CSNK1G1: variants seen among roughly 807,000 people sequenced by gnomAD.
CSNK1G1 encodes the protein casein kinase 1 gamma 1.
In CSNK1G1, 22 loss-of-function variants were observed where a neutral mutation model predicts 59.6. The observed-to-expected ratio is 0.37, with a 90% confidence interval of 0.26 to 0.53. CSNK1G1 has a LOEUF of 0.53. Among genes scored for constraint, CSNK1G1 ranks in the 20% least tolerant of loss-of-function variants. The pLI is 0.89. For missense variants in CSNK1G1, 384 were observed against 519.5 expected, an observed-to-expected ratio of 0.74 and a Z score of 2.54; for synonymous variants, 179 against 177.1, an observed-to-expected ratio of 1.01 and a Z score of -0.08.
intron 1 of CSNK1G1, among the ~76,000 whole-genome samples, chr15:64,346,340 C>T (rs973863277): frequency 6.7e-6 from 1 of 148,338 alleles, no homozygotes; most frequent in Non-Finnish European, 1.5e-5. Flanking sequence ...AACCTTATAA[C>T]TAAATGTAAA....
intron 1 of CSNK1G1, among the ~76,000 whole-genome samples, chr15:64,352,863 C>A (rs1055261251): frequency 6.6e-6 from 1 of 150,774 alleles, no homozygotes; most frequent in African/African-American, 2.4e-5. Context: ...CCAAAGCTGG[C>A]GGATCACTTG....
At chr15:64,193,643 TAGG>T (rs2082002853) in intron 10 of CSNK1G1, among the ~76,000 whole-genome samples, 1 of 152,048 alleles carries the variant, frequency 6.6e-6, no homozygotes. Flanking sequence ...CCTTATCAAA[TAGG>T]AGGGAAGTTT....
intron 7 of CSNK1G1, among the ~76,000 whole-genome samples, chr15:64,207,048 T>C (rs1367484721): frequency 2.0e-5 from 3 of 152,078 alleles, no homozygotes; most frequent in African/African-American, 4.8e-5. Flanking sequence ...GGAGGAGGAA[T>C]ACCAACACAG....
intron 1 of CSNK1G1, among the ~76,000 whole-genome samples, chr15:64,304,315 G>A (rs955980885): frequency 2.7e-5 from 4 of 149,898 alleles, no homozygotes; most frequent in South Asian, 2.1e-4. Context: ...CCTGGGAGGC[G>A]GAGGGGGCAG....
intron 4 of CSNK1G1, among the ~76,000 whole-genome samples, chr15:64,218,551 A>T (rs894900205): frequency 6.7e-6 from 1 of 149,618 alleles, no homozygotes; most frequent in African/African-American, 2.5e-5. Flanking sequence ...GTGTCCACCA[A>T]TTTTTTTTTG....
chr15:64,261,715 C>T (rs544957724), intron 2 of CSNK1G1, among the ~76,000 whole-genome samples: 2 of 152,074 alleles, frequency 1.3e-5, no homozygotes, highest in Admixed American at 6.6e-5. Flanking sequence ...GAGGGCGAGG[C>T]AGGTGGCTCA....
intron 2 of CSNK1G1, among the ~76,000 whole-genome samples, chr15:64,273,124 A>G (rs555343469): frequency 3.0e-4 from 46 of 152,246 alleles, no homozygotes; most frequent in Non-Finnish European, 6.3e-4. Flanking sequence ...ACTGCACTGT[A>G]TATTTCAAGA....
chr15:64,311,841 C>A (rs1210943808), intron 1 of CSNK1G1, among the ~76,000 whole-genome samples: 1 of 152,126 alleles, frequency 6.6e-6, no homozygotes, highest in Admixed American at 6.6e-5. Flanking sequence ...CATCACACCA[C>A]TGCACTCCAG....
intron 2 of CSNK1G1, among the ~76,000 whole-genome samples, chr15:64,299,452 C>T (rs1315246093): frequency 1.3e-5 from 2 of 151,922 alleles, no homozygotes; most frequent in Non-Finnish European, 2.9e-5. Flanking sequence ...ATTAGCCGGG[C>T]GTGGTGGCGG....
intron 4 of CSNK1G1, among the ~76,000 whole-genome samples, chr15:64,221,990 A>AT (rs1243862487): frequency 1.4e-4 from 21 of 152,158 alleles, no homozygotes; most frequent in Admixed American, 5.2e-4. Flanking sequence ...TGTTTACTGC[A>AT]GCACTATTTA....
At position 64,176,228 on chromosome 15, in the gene CSNK1G1, C is replaced by T; in HGVS notation, c.1214+4120G>A. ...GCCAGTCCCAGCCTAGTCTGGTCCA[C>T]TCCCCTTGCAATGGACTGGAGAGAG... On this transcript the variant is annotated intron_variant, in intron 11 of 11. Transcript: ENST00000303052. The surrounding 1 kb of genome is among the most constrained non-coding windows in gnomAD (Gnocchi z 5.2). 2.5e-6 allele frequency: 1 copy of T among 398,880 alleles called. No homozygotes were observed. The highest frequency in any genetic ancestry group is 4.4e-6 in the Non-Finnish European group (1 of 226,124). The allele number at this position is 398,880 out of a possible 1,614,324, so 24.7% of individuals were successfully genotyped here.
intron 2 of CSNK1G1, among the ~76,000 whole-genome samples, chr15:64,298,747 G>A (rs908171356): frequency 2.0e-5 from 3 of 152,088 alleles, no homozygotes; most frequent in Admixed American, 6.6e-5. Flanking sequence ...AAGTAGCAGA[G>A]GTGGTCAGGC....
At position 64,207,214 on chromosome 15, in the gene CSNK1G1, C is replaced by T. The variant is rs2082194190; in HGVS notation, c.765+295G>A. On this transcript the variant is annotated intron_variant, in intron 7 of 11. Coordinates refer to ENST00000303052, the MANE Select transcript of CSNK1G1 (RefSeq NM_022048.5). Reference sequence around the variant, plus strand: ...TATAATGTAGACTAATGTAATTAGTCCCTGCTTCTTATCTCCAGAGCCAAT... The same window carrying T: ...TATAATGTAGACTAATGTAATTAGTTCCTGCTTCTTATCTCCAGAGCCAAT... Among the ~76,000 whole-genome samples the T allele has an allele frequency of 3.3e-5, 5 of 152,278 alleles. No individual in the cohort carries two copies. In the South Asian group the frequency reaches 1.0e-3, roughly 32 times the overall value.
chr15:64,269,372 T>C (rs922273355), intron 2 of CSNK1G1, among the ~76,000 whole-genome samples: 2 of 152,200 alleles, frequency 1.3e-5, no homozygotes, highest in African/African-American at 4.8e-5. Flanking sequence ...TCTTGGTGTG[T>C]TCAGGAAATC....
At chr15:64,312,503 G>A (rs1217723849) in intron 1 of CSNK1G1, among the ~76,000 whole-genome samples, 1 of 152,164 alleles carries the variant, frequency 6.6e-6, no homozygotes, top group African/African-American at 2.4e-5. Context: ...CAGAAATGGG[G>A]AAAGGATTCC....
chr15:64,342,672 T>C (rs1897737665), intron 1 of CSNK1G1: 2 of 152,256 alleles, frequency 1.3e-5, no homozygotes, highest in Non-Finnish European at 2.9e-5. Context: ...TCTGTGCCCA[T>C]GGCTGGTTCG....
chr15:64,286,690 G>A (rs1894441185), intron 2 of CSNK1G1, among the ~76,000 whole-genome samples: 1 of 152,040 alleles, frequency 6.6e-6, no homozygotes, highest in South Asian at 2.1e-4. Flanking sequence ...AATACAATTT[G>A]TTAAATGAAT....
chr15:64,183,195 C>A (rs1347975560), intron 10 of CSNK1G1, among the ~76,000 whole-genome samples: 1 of 152,162 alleles, frequency 6.6e-6, no homozygotes, highest in Non-Finnish European at 1.5e-5. Context: ...TTTCACATGG[C>A]TTATACTTCC....
chr15:64,256,423 C>T (rs946949727), intron 3 of CSNK1G1, among the ~76,000 whole-genome samples: 19 of 152,350 alleles, frequency 1.2e-4, no homozygotes, highest in East Asian at 3.9e-4. Context: ...AAGGCATACA[C>T]ATCACATATA....
Sources: gnomAD v4.1 joint callset for allele counts (sites outside exome capture counted in the v4.1 genomes callset) on GRCh38, gnomAD v4.1.1 for gene constraint, Gnocchi (gnomAD v3.1) non-coding constraint, MANE v1.5 for transcripts, NCBI Gene and HGNC (gene_info 2026-07-23, HGNC 2026-07-21) for gene names.